The following THOC5 variants were observed in gnomAD, a reference collection of about 807,000 sequenced individuals.
THOC5 encodes THO complex subunit 5.
Under a neutral mutation model 92.9 loss-of-function variants are expected in THOC5, and 43 were observed. The observed-to-expected ratio is 0.46, with a 90% CI of 0.36 to 0.60. The LOEUF (loss-of-function observed/expected upper bound fraction) is 0.60, where lower values mean the gene tolerates loss of function less well. THOC5 is among the 20% of genes least tolerant of loss of function. The probability of loss-of-function intolerance (pLI) is 0.00; values close to 1 mark genes in which losing one functional copy is unlikely to be tolerated. For synonymous variants in THOC5, 296 were observed against 320.1 expected (o/e 0.92, Z 0.80); for missense variants, 659 against 849.4 (o/e 0.78, Z 2.79).
chr22:29,515,080 C>A (rs1051117304), intron 17 of THOC5, among the ~76,000 whole-genome samples: 1 of 151,784 alleles, frequency 6.6e-6, no homozygotes, highest in African/African-American at 2.4e-5. Flanking sequence ...CTTGCTCTGT[C>A]GCCCAGGCTG....
chr22:29,540,107 C>T (rs1442600259), intron 5 of THOC5, among the ~76,000 whole-genome samples: 2 of 152,156 alleles, frequency 1.3e-5, no homozygotes, highest in African/African-American at 2.4e-5. Context: ...AGGTGAAACC[C>T]CGTCTCTACT....
At chr22:29,511,320 C>G (rs781002548) in intron 18 of THOC5, 24 bp from the exon 19 acceptor site, 1 of 1,599,630 alleles carries the variant, frequency 6.3e-7, no homozygotes, top group Admixed American at 1.7e-5. Context: ...AAGCCAGCAT[C>G]TCAGCACTAC....
At chr22:29,552,368 T>A (rs1201930290) in intron 1 of THOC5, among the ~76,000 whole-genome samples, 1 of 146,842 alleles carries the variant, frequency 6.8e-6, no homozygotes, top group East Asian at 2.0e-4. Context: ...GCCCATCATC[T>A]CAGATGTGGG....
At chr22:29,530,510 A>G (rs2063631383) in intron 8 of THOC5, among the ~76,000 whole-genome samples, 1 of 151,880 alleles carries the variant, frequency 6.6e-6, no homozygotes, top group South Asian at 2.1e-4. Flanking sequence ...ACAGAGCCAG[A>G]CTCCATCTCA....
At chr22:29,553,052 A>G (rs1333345789) in intron 1 of THOC5, among the ~76,000 whole-genome samples, 1 of 152,128 alleles carries the variant, frequency 6.6e-6, no homozygotes, top group African/African-American at 2.4e-5. Context: ...ATGCTCCTTA[A>G]GAGTCATCAC....
chr22:29,514,736 G>T (rs917841631), intron 17 of THOC5, among the ~76,000 whole-genome samples: 4 of 151,504 alleles, frequency 2.6e-5, no homozygotes, highest in Non-Finnish European at 5.9e-5. Context: ...ACGGAGTCTT[G>T]CTCTGTCACC....
At chr22:29,532,711 C>T (rs1344872512) in intron 7 of THOC5, among the ~76,000 whole-genome samples, 1 of 151,676 alleles carries the variant, frequency 6.6e-6, no homozygotes, top group Non-Finnish European at 1.5e-5. Flanking sequence ...GGTGCAGTGG[C>T]TCATGCCTGT....
intron 17 of THOC5, among the ~76,000 whole-genome samples, chr22:29,513,088 C>A (rs941996422): frequency 6.6e-6 from 1 of 152,128 alleles, no homozygotes; most frequent in Admixed American, 6.6e-5. Context: ...CGGTGGCTCA[C>A]GCCTGTAATC....
intron 15 of THOC5, 27 bp downstream of exon 15, chr22:29,518,979 T>C (rs2063384658): frequency 6.9e-7 from 1 of 1,454,264 alleles, no homozygotes; most frequent in Non-Finnish European, 9.5e-7. Context: ...GAGTGACTCT[T>C]AAACCACTGC....
chr22:29,539,238 TGA>T, intron 6 of THOC5, 90 bp downstream of exon 6: 1 of 1,362,620 alleles, frequency 7.3e-7, no homozygotes, highest in South Asian at 1.4e-5. Context: ...GAAACTATTC[TGA>T]GAGTTGCACA....
chr22:29,548,995 G>T, intron 2 of THOC5, 57 bp downstream of exon 2: 1 of 1,564,166 alleles, frequency 6.4e-7, no homozygotes. Context: ...CACACAGCCA[G>T]GTGCTTGGCC....
intron 5 of THOC5, among the ~76,000 whole-genome samples, chr22:29,542,426 C>T (rs1309177857): frequency 6.6e-6 from 1 of 152,192 alleles, no homozygotes; most frequent in Non-Finnish European, 1.5e-5. Context: ...ATTTGCCCTT[C>T]TCCCAGATCC....
chr22:29,552,556 GCC>G (rs2064184736), intron 1 of THOC5, among the ~76,000 whole-genome samples: 1 of 148,714 alleles, frequency 6.7e-6, no homozygotes, highest in Non-Finnish European at 1.5e-5. Context: ...CCGGCCAGCC[GCC>G]CCGTCCGGGG....
intron 17 of THOC5, among the ~76,000 whole-genome samples, chr22:29,513,132 C>T (rs1392154022): frequency 6.6e-6 from 1 of 151,394 alleles, no homozygotes; most frequent in Non-Finnish European, 1.5e-5. Flanking sequence ...GGGCGGATCA[C>T]GAGATCAGGA....
Position 29,517,062 on chromosome 22 carries a change from G to T in THOC5, c.1648C>A (p.Leu550Ile). The change falls in exon 17 of 20, where the codon CTC becomes ATC. Residue 550 changes from leucine to isoleucine, a missense_variant. By Grantham distance (5) the Leu-to-Ile change is conservative. Transcript: ENST00000490103. ...CTTTCGATGAGCGCCATGTAGTAGA[G>T]ATTGGTGTCCCCAGCCAGTCCCGCA... is the stretch of plus-strand genomic sequence containing the variant. The part of the protein sequence containing the change: ...VDAGLAGDTN[L>I]YYMALIERGT... 6.2e-7 allele frequency: 1 copy of T among 1,614,170 alleles called. No homozygotes were observed. The highest frequency in any genetic ancestry group is 8.5e-7 in the Non-Finnish European group (1 of 1,180,016).
At chr22:29,512,731 T>C (rs2063249145) in intron 17 of THOC5, among the ~76,000 whole-genome samples, 1 of 152,204 alleles carries the variant, frequency 6.6e-6, no homozygotes, top group African/African-American at 2.4e-5. Context: ...ATTTTACACA[T>C]AAAGAAACAG....
At chr22:29,553,069 C>T (rs1018529714) in intron 1 of THOC5, among the ~76,000 whole-genome samples, 21 of 152,226 alleles carry the variant, frequency 1.4e-4, no homozygotes, top group African/African-American at 4.8e-4. Flanking sequence ...TCACCACTCC[C>T]TAATCTCAAG....
At chr22:29,523,514 C>T (rs911064397) in intron 12 of THOC5, among the ~76,000 whole-genome samples, 6 of 152,160 alleles carry the variant, frequency 3.9e-5, no homozygotes, top group African/African-American at 1.2e-4. Flanking sequence ...CAAGAACACA[C>T]AGGTAGAAAG....
In THOC5 at chr22:29,511,165, G is replaced by A. The variant is rs550695639; in HGVS notation, c.1929C>T (p.Asp643=). Residue 643 remains aspartate, a synonymous_variant, in exon 19 of 20, where the codon GAC becomes GAT. Coordinates refer to ENST00000490103, the MANE Select transcript of THOC5 (RefSeq NM_003678.5). ...ATTCCTTGGGCCCCTCCACACTGTC[G>A]TCATGGCTCTCGGTCTCCAGGTAAA... ...LDVYLETESH[D]DSVEGPKEFP... 7.4e-6 allele frequency: 12 copies of A among 1,614,198 alleles called. No homozygotes were observed. The highest frequency in any genetic ancestry group is 4.0e-5 in the African/African-American group (3 of 75,054).
Sources: allele counts gnomAD v4.1 joint callset (sites outside exome capture counted in the v4.1 genomes callset), GRCh38; gene constraint gnomAD v4.1.1; transcripts MANE v1.5; gene names NCBI Gene and HGNC (gene_info 2026-07-23, HGNC 2026-07-21).